The following MRPS6 variants were observed in gnomAD, a reference collection of about 807,000 sequenced individuals.
MRPS6 encodes small ribosomal subunit protein bS6m.
A neutral mutation model predicts 13.1 loss-of-function variants in MRPS6; 6 were observed. The observed-to-expected ratio is 0.46, with a 90% CI of 0.25 to 0.91. The LOEUF (loss-of-function observed/expected upper bound fraction) is 0.91, where lower values mean the gene tolerates loss of function less well. MRPS6 is among the 40% of genes least tolerant of loss of function. The pLI is 0.18. For missense variants in MRPS6, 164 were observed against 155.6 expected (o/e 1.05, Z -0.29); for synonymous variants, 61 against 56.5 (o/e 1.08, Z -0.36).
In MRPS6 at chr21:34,096,401, C is replaced by T. The variant is rs535716171; in HGVS notation, c.45+22656C>T. The T allele has an allele frequency of 1.2e-4, 191 of 1,614,150 alleles. 1 individual carries two copies. The highest frequency in any genetic ancestry group is 1.1e-3 in the South Asian group (101 of 91,072). On this transcript the variant is annotated intron_variant, in intron 1 of 2. Coordinates refer to ENST00000399312, the MANE Select transcript of MRPS6 (RefSeq NM_032476.4). This position sits in a 1 kb window ranked among gnomAD's most constrained non-coding sequence, Gnocchi z 5.9. ...ATGTGTACAAACTTATCCGCAAGAG[C>T]GCAAGCTCCCGGGAGTTAATGATTG...
At chr21:34,082,244 A>G (rs1989475636) in intron 1 of MRPS6, among the ~76,000 whole-genome samples, 1 of 152,178 alleles carries the variant, frequency 6.6e-6, no homozygotes, top group African/African-American at 2.4e-5. Flanking sequence ...ACTGGTTTGC[A>G]GTAGGACTGA....
At chr21:34,107,833 T>G (rs1979541124) in intron 1 of MRPS6, among the ~76,000 whole-genome samples, 2 of 152,234 alleles carry the variant, frequency 1.3e-5, no homozygotes, top group South Asian at 4.1e-4. Context: ...CTTTGCATTT[T>G]CCAGCACAGT....
chr21:34,136,005 T>G, intron 2 of MRPS6: 1 of 292,076 alleles, frequency 3.4e-6, no homozygotes, highest in Non-Finnish European at 6.7e-6. Context: ...CTGCACAGCG[T>G]CCACTTCCCA....
At position 34,096,870 on chromosome 21, in the gene MRPS6, T is replaced by G. The variant is rs1978986785; in HGVS notation, c.45+23125T>G. On this transcript the variant is annotated intron_variant, in intron 1 of 2. Transcript: ENST00000399312. This position sits in a 1 kb window ranked among gnomAD's most constrained non-coding sequence, Gnocchi z 5.9. ...GAAGAACCTGGTGGTGAAGGAGAAC[T>G]GCTCCCCAAAAGAGGAACCATACAA... The G allele has an allele frequency of 6.2e-7, 1 of 1,613,984 alleles. No individual in the cohort carries two copies. Among genetic ancestry groups the G allele is most frequent in the African/African-American group, 1.3e-5 (1 of 74,916 alleles).
At chr21:34,098,490 A>G (rs780598603) in intron 1 of MRPS6, 4 of 1,000,146 alleles carry the variant, frequency 4.0e-6, no homozygotes, top group Non-Finnish European at 4.8e-6. Context: ...AAGACTTTCC[A>G]TCTGTACACA....
chr21:34,095,081 G>C, intron 1 of MRPS6: 2 of 1,322,948 alleles, frequency 1.5e-6, no homozygotes, highest in South Asian at 1.5e-5. Context: ...TGACCCTGCT[G>C]TGTTGCTCTG....
At chr21:34,097,346 C>G in intron 1 of MRPS6, 2 of 1,600,544 alleles carry the variant, frequency 1.2e-6, no homozygotes, top group Non-Finnish European at 1.7e-6. Context: ...TTGTTTATTT[C>G]TCCTTATGAA....
In MRPS6 at chr21:34,085,671, G is replaced by A. The variant is rs562253657; in HGVS notation, c.45+11926G>A. On this transcript the variant is annotated intron_variant, in intron 1 of 2. Coordinates refer to ENST00000399312, the MANE Select transcript of MRPS6 (RefSeq NM_032476.4). Reference sequence around the variant, plus strand: ...GCTGGAGTGCCAGTGGCGTGATCTCGGCTCACTGCAAGCTCTGCCTCCCGG... The same window carrying A: ...GCTGGAGTGCCAGTGGCGTGATCTCAGCTCACTGCAAGCTCTGCCTCCCGG... 6.8e-5 allele frequency among the ~76,000 whole-genome samples: 10 copies of A among 146,972 alleles called. No individual in the cohort carries two copies. In the East Asian group the frequency reaches 1.6e-3, roughly 24 times the overall value.
chr21:34,135,096 T>C (rs751380740), intron 2 of MRPS6, among the ~76,000 whole-genome samples: 24 of 152,014 alleles, frequency 1.6e-4, no homozygotes, highest in Non-Finnish European at 3.4e-4. Context: ...TTGAGATCAA[T>C]AGTGTGTATC....
intron 1 of MRPS6, chr21:34,099,188 T>C: frequency 1.0e-6 from 1 of 999,812 alleles, no homozygotes; most frequent in Non-Finnish European, 1.2e-6. Flanking sequence ...GAGTGCCTTG[T>C]AGAATTTTTT....
intron 2 of MRPS6, among the ~76,000 whole-genome samples, chr21:34,137,006 A>G (rs1980727556): frequency 6.6e-6 from 1 of 151,926 alleles, no homozygotes; most frequent in African/African-American, 2.4e-5. Context: ...CTATTTTTGT[A>G]CTCCATTCTA....
chr21:34,100,066 C>T (rs1979164708), intron 1 of MRPS6: 1 of 995,856 alleles, frequency 1.0e-6, no homozygotes. Flanking sequence ...GGTCTTTAGA[C>T]ATTAACATGT....
chr21:34,096,806 C>A lies in MRPS6; in HGVS notation c.45+23061C>A. 1 of 1,614,034 alleles carries A rather than the reference C, an allele frequency of 6.2e-7. No individual in the cohort carries two copies. The highest frequency in any genetic ancestry group is 8.5e-7 in the Non-Finnish European group (1 of 1,179,960). Reference sequence around the variant, plus strand: ...TTGTGAGCCTTCTCACACCACCTCCCACAAAGGAACAGATTCGAACCACCA... The same window carrying A: ...TTGTGAGCCTTCTCACACCACCTCCAACAAAGGAACAGATTCGAACCACCA... On this transcript the variant is annotated intron_variant, in intron 1 of 2. Transcript: ENST00000399312. The surrounding 1 kb of genome is among the most constrained non-coding windows in gnomAD (Gnocchi z 5.9).
intron 1 of MRPS6, chr21:34,101,339 T>G: frequency 1.0e-6 from 1 of 1,000,168 alleles, no homozygotes; most frequent in Non-Finnish European, 1.2e-6. Context: ...AAACCCTGGT[T>G]TGATGTTAAG....
At chr21:34,113,908 T>G (rs1979804132) in intron 1 of MRPS6, among the ~76,000 whole-genome samples, 1 of 152,186 alleles carries the variant, frequency 6.6e-6, no homozygotes, top group Non-Finnish European at 1.5e-5. Flanking sequence ...CTGTCTCCCT[T>G]CTACCCTGTG....
chr21:34,135,734 C>T (rs747345312), intron 2 of MRPS6: 12 of 429,866 alleles, frequency 2.8e-5, no homozygotes, highest in South Asian at 4.2e-5. Context: ...TGAGGGTTCT[C>T]GCCTGTGAGC....
At chr21:34,089,849 A>G (rs1353264841) in intron 1 of MRPS6, among the ~76,000 whole-genome samples, 1 of 152,234 alleles carries the variant, frequency 6.6e-6, no homozygotes, top group East Asian at 1.9e-4. Context: ...CAAGTTTAAT[A>G]GAAATGTTTT....
At chr21:34,083,143 T>C (rs1989496991) in intron 1 of MRPS6, among the ~76,000 whole-genome samples, 1 of 152,212 alleles carries the variant, frequency 6.6e-6, no homozygotes, top group African/African-American at 2.4e-5. Context: ...GCTTTAATTT[T>C]GTCAGGTGAA....
At chr21:34,106,818 T>C (rs1979495459) in intron 1 of MRPS6, among the ~76,000 whole-genome samples, 1 of 152,264 alleles carries the variant, frequency 6.6e-6, no homozygotes, top group Non-Finnish European at 1.5e-5. Context: ...AATGTCTTTA[T>C]AGCAGCTTTT....
Sources: allele counts gnomAD v4.1 joint callset (sites outside exome capture counted in the v4.1 genomes callset), GRCh38; gene constraint gnomAD v4.1.1; non-coding constraint Gnocchi (gnomAD v3.1); transcripts MANE v1.5; gene names NCBI Gene and HGNC (gene_info 2026-07-23, HGNC 2026-07-21).